PDE4DIP: variants seen among roughly 807,000 people sequenced by gnomAD.
PDE4DIP encodes myomegalin.
In PDE4DIP, 59 loss-of-function variants were observed where a neutral mutation model predicts 221.4. The observed-to-expected ratio is 0.27, with a 90% CI of 0.22 to 0.33. The LOEUF (loss-of-function observed/expected upper bound fraction) is 0.33. PDE4DIP is among the 10% of genes least tolerant of loss of function. The pLI is 1.00. For missense variants in PDE4DIP, 1,036 were observed against 2,154.2 expected (o/e 0.48, Z 10.28); for synonymous variants, 404 against 815.9 (o/e 0.50, Z 8.60).
chr1:148,820,642 G>C (rs1486190529), intron 1 of PDE4DIP, among the ~76,000 whole-genome samples: 4 of 143,194 alleles, frequency 2.8e-5, no homozygotes, highest in African/African-American at 1.0e-4. Context: ...GCAGACTTTT[G>C]TTTTGTTTTG....
At chr1:148,988,017 C>CTTT (rs2062218850) in intron 21 of PDE4DIP, among the ~76,000 whole-genome samples, 2 of 152,258 alleles carry the variant, frequency 1.3e-5, no homozygotes, top group African/African-American at 4.8e-5. Flanking sequence ...TGTAAGGCAC[C>CTTT]TATTCCAAAG....
chr1:149,032,064 C>CT (rs1284677865), exon 44 of PDE4DIP: 1 of 1,609,778 alleles, frequency 6.2e-7, no homozygotes, highest in Non-Finnish European at 8.5e-7. Flanking sequence ...GCCTGTCCCC[C>CT]TTTTGTGCAG....
rs188541741 is a variant in PDE4DIP at position 148,927,478 on chromosome 1, C to T, written c.142-1719C>T. On this transcript the variant is annotated intron_variant, in intron 1 of 43. Coordinates refer to ENST00000369354, the Ensembl canonical transcript of PDE4DIP. Reference sequence around the variant, plus strand: ...CTTTTCCCAATTAGTATTTGTGTTTCGACCACCCTGCATGGAAACATGGGT... The same window carrying T: ...CTTTTCCCAATTAGTATTTGTGTTTTGACCACCCTGCATGGAAACATGGGT... 1.2e-3 allele frequency among the ~76,000 whole-genome samples: 180 copies of T among 152,052 alleles called. 2 individuals are homozygous for T. Among genetic ancestry groups the T allele is most frequent in the African/African-American group, 3.8e-3 (158 of 41,478 alleles).
At chr1:148,961,088 C>T (rs1380361133) in intron 6 of PDE4DIP, among the ~76,000 whole-genome samples, 1 of 152,088 alleles carries the variant, frequency 6.6e-6, no homozygotes, top group Non-Finnish European at 1.5e-5. Context: ...AGGCGGATCA[C>T]GAGGTCAGGA....
chr1:149,018,039 G>A (rs1440473997), intron 34 of PDE4DIP, among the ~76,000 whole-genome samples, 160 bp downstream of exon 37: 5 of 152,194 alleles, frequency 3.3e-5, no homozygotes, highest in African/African-American at 9.7e-5. Flanking sequence ...TGAGTTTAGA[G>A]AGTAACTCTC....
At chr1:148,978,255 C>T (rs1553539295) in intron 18 of PDE4DIP, 23 bp from the exon 22 acceptor site, 1 of 1,569,010 alleles carries the variant, frequency 6.4e-7, no homozygotes, top group Admixed American at 1.8e-5. Flanking sequence ...TTTTCACATC[C>T]ATACTTATTT....
At chr1:148,960,049 T>C (rs1472891448) in intron 5 of PDE4DIP, among the ~76,000 whole-genome samples, 31 of 152,214 alleles carry the variant, frequency 2.0e-4, no homozygotes, top group Non-Finnish European at 8.8e-5. Flanking sequence ...TAGTTGTAGA[T>C]AGTATACTCC....
intron 23 of PDE4DIP, among the ~76,000 whole-genome samples, chr1:149,001,139 T>C (rs1466462617): frequency 6.6e-6 from 1 of 152,304 alleles, no homozygotes; most frequent in Non-Finnish European, 1.5e-5. Context: ...CTGATTAGTG[T>C]TATTTATTTA....
rs587645785 is a variant in PDE4DIP at position 148,899,162 on chromosome 1, A to G, written c.141+9268A>G. Among the ~76,000 whole-genome samples, 107 of 120,292 alleles carry G rather than the reference A, an allele frequency of 8.9e-4. 9 individuals are homozygous for G. The highest frequency in any genetic ancestry group is 3.7e-3 in the African/African-American group (104 of 28,368). The allele number at this position is 120,292 out of a possible 152,430, so 78.9% of individuals were successfully genotyped here. ...AGGCATTTCAAACAGAAGAAACAAT[A>G]TACAAAAGCAGAGGTGTACAAAAGC... On this transcript the variant is annotated intron_variant, in intron 1 of 43. Transcript: ENST00000369354.
At chr1:148,980,091 A>G (rs1160465577) in intron 20 of PDE4DIP, among the ~76,000 whole-genome samples, 1 of 152,256 alleles carries the variant, frequency 6.6e-6, no homozygotes, top group African/African-American at 2.4e-5. Flanking sequence ...TGCAGAGATT[A>G]AATAAGAAGA....
intron 37 of PDE4DIP, among the ~76,000 whole-genome samples, chr1:149,022,541 A>G (rs2073331669): frequency 6.6e-6 from 1 of 152,290 alleles, no homozygotes; most frequent in South Asian, 2.1e-4. Context: ...GTGAACTGGA[A>G]CCTGAAGAAA....
chr1:148,953,550 A>G (rs2054232302), intron 5 of PDE4DIP: 1 of 1,614,036 alleles, frequency 6.2e-7, no homozygotes, highest in Admixed American at 1.7e-5. Flanking sequence ...CCACAACAGA[A>G]AGATGAGGAG....
intron 21 of PDE4DIP, among the ~76,000 whole-genome samples, chr1:148,988,081 G>A (rs1216225383): frequency 6.6e-6 from 1 of 152,180 alleles, no homozygotes; most frequent in African/African-American, 2.4e-5. Context: ...GTGAGGCAGA[G>A]AGCAAAGAGT....
chr1:149,030,382 A>G (rs1475296150), intron 43 of PDE4DIP, 104 bp downstream of exon 46: 2 of 1,536,632 alleles, frequency 1.3e-6, no homozygotes, highest in East Asian at 4.9e-5. Context: ...TTGGCCTTCC[A>G]GGAGAAGACT....
intron 1 of PDE4DIP, among the ~76,000 whole-genome samples, chr1:148,905,192 T>TTTC (rs2041498402): frequency 6.8e-6 from 1 of 146,370 alleles, no homozygotes; most frequent in Non-Finnish European, 1.5e-5. Flanking sequence ...TTTTTTTTTT[T>TTTC]TTTTTTTTTG....
At chr1:148,920,194 G>A (rs1467128261) in intron 1 of PDE4DIP, among the ~76,000 whole-genome samples, 303 of 145,842 alleles carry the variant, frequency 2.1e-3, no homozygotes, top group Non-Finnish European at 3.3e-3. Flanking sequence ...GTGCAGTGGC[G>A]CAATCTTCGC....
intron 21 of PDE4DIP, chr1:148,989,271 G>A (rs1553554166): frequency 3.2e-6 from 2 of 634,184 alleles, no homozygotes; most frequent in Admixed American, 5.1e-5. Flanking sequence ...TGCCATAATG[G>A]AAGAAGACTG....
At chr1:148,826,157 C>T (rs1553365010) in intron 1 of PDE4DIP, among the ~76,000 whole-genome samples, 1 of 96,176 alleles carries the variant, frequency 1.0e-5, no homozygotes, top group Non-Finnish European at 2.2e-5. Context: ...CAGCACCAGA[C>T]CCTTCTGGTT....
intron 21 of PDE4DIP, among the ~76,000 whole-genome samples, chr1:148,987,534 G>A (rs367576209): frequency 1.2e-4 from 19 of 152,226 alleles, no homozygotes; most frequent in South Asian, 2.1e-4. Context: ...ACAAGGGCCC[G>A]GTACCGAAGG....
Sources: gnomAD v4.1 joint callset for allele counts (sites outside exome capture counted in the v4.1 genomes callset) on GRCh38, gnomAD v4.1.1 for gene constraint, MANE v1.5 for transcripts, NCBI Gene and HGNC (gene_info 2026-07-23, HGNC 2026-07-21) for gene names.